The following PTPRT variants were observed in gnomAD, a reference collection of about 807,000 sequenced individuals.
The protein encoded by PTPRT is receptor-type tyrosine-protein phosphatase T.
Under a neutral mutation model 176.8 loss-of-function variants are expected in PTPRT, and 56 were observed. The observed-to-expected ratio is 0.32, with a 90% CI of 0.26 to 0.40. The LOEUF (loss-of-function observed/expected upper bound fraction) is 0.40, where lower values mean the gene tolerates loss of function less well. Among genes scored for constraint, PTPRT ranks in the 10% least tolerant of loss-of-function variants. The pLI is 1.00. For synonymous variants in PTPRT, 783 were observed against 739.0 expected (o/e 1.06, Z -0.96); for missense variants, 1,540 against 1,908.2 (o/e 0.81, Z 3.60).
At chr20:43,074,809 C>T (rs2011232481) in intron 1 of PTPRT, among the ~76,000 whole-genome samples, 3 of 152,198 alleles carry the variant, frequency 2.0e-5, no homozygotes, top group Non-Finnish European at 1.5e-5. Flanking sequence ...GGGTCAAACA[C>T]CACAATGTTA....
At chr20:42,525,714 C>T (rs892718203) in intron 7 of PTPRT, among the ~76,000 whole-genome samples, 6 of 152,242 alleles carry the variant, frequency 3.9e-5, no homozygotes, top group South Asian at 2.1e-4. Context: ...ATTACCTCTT[C>T]GAGTCTCTAT....
intron 16 of PTPRT, among the ~76,000 whole-genome samples, chr20:42,168,634 A>G (rs186946488): frequency 1.3e-5 from 2 of 152,354 alleles, no homozygotes; most frequent in African/African-American, 4.8e-5. Context: ...TTTCTCGAAA[A>G]TCCCTCTCTC....
chr20:42,447,033 C>A (rs1292162126), intron 9 of PTPRT, among the ~76,000 whole-genome samples: 1 of 152,164 alleles, frequency 6.6e-6, no homozygotes, highest in Admixed American at 6.5e-5. Context: ...CCACCTGTGA[C>A]TCTCTAGAGA....
At chr20:42,637,905 C>A (rs752048826) in intron 7 of PTPRT, among the ~76,000 whole-genome samples, 21 of 152,078 alleles carry the variant, frequency 1.4e-4, no homozygotes, top group Non-Finnish European at 2.9e-4. Flanking sequence ...AAACTTGCAT[C>A]TATGAAAACA....
intron 4 of PTPRT, among the ~76,000 whole-genome samples, chr20:42,772,004 G>A (rs916327176): frequency 3.3e-5 from 5 of 152,156 alleles, no homozygotes; most frequent in Admixed American, 2.6e-4. Flanking sequence ...AAAATTGGGG[G>A]GCAGGAGGGG....
intron 8 of PTPRT, among the ~76,000 whole-genome samples, chr20:42,450,367 T>C (rs549129265): frequency 1.4e-4 from 21 of 152,248 alleles, no homozygotes; most frequent in Non-Finnish European, 2.2e-4. Context: ...GAAGACTATG[T>C]CTGTTCTTGC....
intron 9 of PTPRT, among the ~76,000 whole-genome samples, chr20:42,357,787 G>T (rs559235674): frequency 1.2e-4 from 18 of 152,226 alleles, no homozygotes; most frequent in African/African-American, 4.1e-4. Context: ...GGTGATGCAC[G>T]CCTGTAGTCC....
At chr20:42,699,010 C>T (rs1453516625) in intron 6 of PTPRT, among the ~76,000 whole-genome samples, 2 of 152,132 alleles carry the variant, frequency 1.3e-5, no homozygotes, top group African/African-American at 4.8e-5. Flanking sequence ...GTAATAATGC[C>T]TGAAAAACTT....
At position 42,076,722 on chromosome 20, in the gene PTPRT, G is replaced by A. The variant is rs540360193; in HGVS notation, c.*4157C>T. 9.9e-6 allele frequency: 2 copies of A among 201,314 alleles called. No homozygotes were observed. The highest frequency in any genetic ancestry group is 1.5e-4 in the East Asian group (2 of 13,124). The allele number at this position is 201,314 out of a possible 1,614,324, so 12.5% of individuals were successfully genotyped here. On this transcript the variant is annotated 3_prime_UTR_variant, in exon 31 of 31. Transcript: ENST00000373187. ...GGGTGAACAGAACAGAACAACATGA[G>A]GAACAGAGCACATTTTTTTTTGAAA...
rs752948610 is a variant in PTPRT, at chr20:42,084,891, C to T, written c.3973-46G>A. The T allele has an allele frequency of 2.9e-5, 39 of 1,346,398 alleles. 1 individual carries two copies. The Admixed American group carries it at 7.6e-4, about 26-fold the overall frequency. The allele number at this position is 1,346,398 out of a possible 1,614,324, so 83.4% of individuals were successfully genotyped here. A position where few individuals can be genotyped will look rare whatever the true frequency, so the allele number is the denominator to read the frequency against. On this transcript the variant is annotated intron_variant, in intron 28 of 30. Transcript: ENST00000373187. ...AGGGCTGTTCTGCTGGGGATGCTTG[C>T]GTACATGCACCTTGCAGATACCCCG...
At chr20:42,345,096 C>T (rs969392961) in intron 11 of PTPRT, among the ~76,000 whole-genome samples, 1 of 152,096 alleles carries the variant, frequency 6.6e-6, no homozygotes. Context: ...TCATTGGCAC[C>T]TTTTCTTTTT....
At chr20:42,246,319 T>C (rs999053876) in intron 14 of PTPRT, among the ~76,000 whole-genome samples, 3 of 151,936 alleles carry the variant, frequency 2.0e-5, no homozygotes, top group Admixed American at 6.6e-5. Context: ...CCTCCTACCC[T>C]CCCCTCCCAT....
chr20:42,687,518 A>C (rs998879999), intron 6 of PTPRT: 11 of 152,354 alleles, frequency 7.2e-5, no homozygotes, highest in African/African-American at 2.2e-4. Flanking sequence ...CAGAGTAAAC[A>C]TTCTAGAAGA....
intron 1 of PTPRT, among the ~76,000 whole-genome samples, chr20:43,076,537 G>A (rs142788100): frequency 6.6e-6 from 1 of 152,178 alleles, no homozygotes; most frequent in Non-Finnish European, 1.5e-5. Flanking sequence ...TTAATTGGAG[G>A]AGAGAAAAAA....
Position 42,744,274 on chromosome 20 carries a change from C to A in PTPRT, c.859+12188G>T, listed in dbSNP as rs575033441. On this transcript the variant is annotated intron_variant, in intron 6 of 30. Transcript: ENST00000373187. ...TGGCCATAGCCAAGTCTGTCTCTAA[C>A]CCCTTCCCATAACACAGAACACACA... Among the ~76,000 whole-genome samples, 5 of 152,348 alleles carry A rather than the reference C, an allele frequency of 3.3e-5. No homozygotes were observed. The South Asian group carries it at 8.3e-4, about 25-fold the overall frequency.
chr20:42,976,394 G>A (rs908053943), intron 1 of PTPRT, among the ~76,000 whole-genome samples: 1 of 151,496 alleles, frequency 6.6e-6, no homozygotes, highest in Admixed American at 6.6e-5. Flanking sequence ...AGTATAGTAT[G>A]CATTTTTTAT....
intron 14 of PTPRT, among the ~76,000 whole-genome samples, chr20:42,246,796 T>G (rs2056459583): frequency 6.6e-6 from 1 of 152,176 alleles, no homozygotes. Flanking sequence ...AGGTATTCAG[T>G]TCCATTAATT....
chr20:42,441,864 A>G (rs1028755786), intron 9 of PTPRT, among the ~76,000 whole-genome samples: 1 of 152,262 alleles, frequency 6.6e-6, no homozygotes, highest in African/African-American at 2.4e-5. Flanking sequence ...AGCGGCCTGC[A>G]TTATGCAAAT....
intron 1 of PTPRT, among the ~76,000 whole-genome samples, chr20:43,091,480 TC>T (rs2011857263): frequency 1.4e-5 from 2 of 146,990 alleles, no homozygotes; most frequent in African/African-American, 5.2e-5. Flanking sequence ...TTTCTCTCTC[TC>T]TCTCTCTCTA....
Sources: gnomAD v4.1 joint callset for allele counts (sites outside exome capture counted in the v4.1 genomes callset) on GRCh38, gnomAD v4.1.1 for gene constraint, MANE v1.5 for transcripts, NCBI Gene and HGNC (gene_info 2026-07-23, HGNC 2026-07-21) for gene names.